CUX1: variants seen among roughly 807,000 people sequenced by gnomAD.
CUX1 encodes protein CASP.
Under a neutral mutation model 158.8 loss-of-function variants are expected in CUX1, and 31 were observed. The observed-to-expected ratio is 0.20, with a 90% CI of 0.15 to 0.26. The LOEUF (loss-of-function observed/expected upper bound fraction) is 0.26. CUX1 is among the 10% of genes least tolerant of loss of function. CUX1 has a pLI of 1.00. For synonymous variants in CUX1, 879 were observed against 862.1 expected, an observed-to-expected ratio of 1.02 and a Z score of -0.34; for missense variants, 1,589 against 2,014.6, an observed-to-expected ratio of 0.79 and a Z score of 4.04.
At position 102,255,465 on chromosome 7, in the gene CUX1, C is replaced by T; in HGVS notation, c.*6423C>T. 1.0e-6 allele frequency: 1 copy of T among 985,112 alleles called. No individual in the cohort carries two copies. The highest frequency in any genetic ancestry group is 1.2e-6 in the Non-Finnish European group (1 of 829,882). 61.0% of individuals were successfully genotyped at this position (985,112 alleles called of 1,614,324 possible). ...GCATAAATGTGCACTTCCCCCATGC[C>T]CCCGTTCTTAAACTCTTAAGATGCC... On this transcript the variant is annotated 3_prime_UTR_variant, in exon 24 of 24. Coordinates refer to ENST00000292535, the MANE Select transcript of CUX1 (RefSeq NM_181552.4).
At chr7:102,195,860 TGGAATCCCCG>T (rs1355576985) in intron 14 of CUX1, among the ~76,000 whole-genome samples, 2 of 152,194 alleles carry the variant, frequency 1.3e-5, no homozygotes, top group Non-Finnish European at 2.9e-5. Context: ...GCAGTGCGGC[TGGAATCCCCG>T]GGAGGGACAG....
At chr7:102,207,238 C>T (rs560134680) in intron 20 of CUX1, among the ~76,000 whole-genome samples, 4 of 152,158 alleles carry the variant, frequency 2.6e-5, no homozygotes, top group South Asian at 2.1e-4. Flanking sequence ...CTGGATGAAA[C>T]GGAACAGAGT....
intron 3 of CUX1, among the ~76,000 whole-genome samples, chr7:102,063,787 C>A (rs543265757): frequency 6.6e-6 from 1 of 152,146 alleles, no homozygotes; most frequent in African/African-American, 2.4e-5. Context: ...TTGGCCATTG[C>A]GGAAGATATT....
intron 3 of CUX1, among the ~76,000 whole-genome samples, chr7:102,039,307 AGTGC>A (rs1156978821): frequency 2.0e-5 from 3 of 152,140 alleles, no homozygotes; most frequent in Non-Finnish European, 4.4e-5. Flanking sequence ...GCATCCCAGA[AGTGC>A]TAAGGTTGGT....
intron 5 of CUX1, among the ~76,000 whole-genome samples, chr7:102,101,648 G>A (rs1554486403): frequency 6.6e-6 from 1 of 152,184 alleles, no homozygotes; most frequent in Admixed American, 6.5e-5. Context: ...GGTGGCTCAT[G>A]CCTGTAATCC....
intron 12 of CUX1, among the ~76,000 whole-genome samples, chr7:102,192,267 T>C (rs1470500687): frequency 6.6e-6 from 1 of 152,212 alleles, no homozygotes; most frequent in African/African-American, 2.4e-5. Flanking sequence ...ATCATGACAC[T>C]GAGACGTGGT....
chr7:102,023,841 T>C (rs900673325), intron 2 of CUX1, among the ~76,000 whole-genome samples: 1 of 152,158 alleles, frequency 6.6e-6, no homozygotes, highest in African/African-American at 2.4e-5. Flanking sequence ...TTTAAATATG[T>C]GTGCGTGCGT....
intron 2 of CUX1, among the ~76,000 whole-genome samples, chr7:101,998,985 G>T (rs1029717626): frequency 1.3e-5 from 2 of 152,162 alleles, no homozygotes; most frequent in African/African-American, 4.8e-5. Flanking sequence ...TTCCCTCCTC[G>T]GGCAGGAGCC....
At chr7:101,974,014 C>T (rs1048058570) in intron 2 of CUX1, among the ~76,000 whole-genome samples, 1 of 151,506 alleles carries the variant, frequency 6.6e-6, no homozygotes, top group Non-Finnish European at 1.5e-5. Context: ...GTGATCCACT[C>T]GCCTCAGCCT....
chr7:101,830,798 A>C (rs919517719), intron 1 of CUX1, among the ~76,000 whole-genome samples: 1 of 152,102 alleles, frequency 6.6e-6, no homozygotes, highest in Non-Finnish European at 1.5e-5. Context: ...ATAATGATGC[A>C]CTTTGTTTTG....
At chr7:101,880,286 C>T (rs1323668587) in intron 1 of CUX1, among the ~76,000 whole-genome samples, 2 of 152,128 alleles carry the variant, frequency 1.3e-5, no homozygotes, top group African/African-American at 4.8e-5. Flanking sequence ...AGCTCGTTGG[C>T]AATTTCGGAA....
At chr7:101,903,452 C>A (rs1417961017) in intron 1 of CUX1, among the ~76,000 whole-genome samples, 1 of 152,100 alleles carries the variant, frequency 6.6e-6, no homozygotes, top group East Asian at 1.9e-4. Flanking sequence ...CAAGGCTGAG[C>A]CTGGCAGGCA....
chr7:101,818,957 G>C (rs1290727512), intron 1 of CUX1: 1 of 152,236 alleles, frequency 6.6e-6, no homozygotes, highest in Non-Finnish European at 1.5e-5. Context: ...AGAAATCCAG[G>C]TTGGAGACGT....
intron 1 of CUX1, among the ~76,000 whole-genome samples, chr7:101,823,187 A>G (rs1792866429): frequency 6.6e-6 from 1 of 152,116 alleles, no homozygotes; most frequent in Non-Finnish European, 1.5e-5. Context: ...TTCGTCGCCC[A>G]ATCCCTGGCT....
intron 11 of CUX1, among the ~76,000 whole-genome samples, chr7:102,182,336 T>C (rs1793188633): frequency 6.6e-6 from 1 of 152,264 alleles, no homozygotes; most frequent in Admixed American, 6.5e-5. Context: ...TACTTTCCAA[T>C]GATACTTTCT....
Position 102,017,441 on chromosome 7 carries a change from T to A in CUX1, c.142-10657T>A, listed in dbSNP as rs1818756350. 2.0e-5 allele frequency among the ~76,000 whole-genome samples: 3 copies of A among 149,564 alleles called. 1 individual carries two copies. The Admixed American group carries it at 2.0e-4, about 10-fold the overall frequency. On this transcript the variant is annotated intron_variant, in intron 2 of 23. Transcript: ENST00000292535. ...GGAGGAATGTACATCTCCTCAAATGTCTCCTAGAAATTGAGACCTCACCAT... is the reference window on the plus strand; with the variant it reads ...GGAGGAATGTACATCTCCTCAAATGACTCCTAGAAATTGAGACCTCACCAT...
intron 2 of CUX1, among the ~76,000 whole-genome samples, chr7:101,981,617 C>CTT (rs201125709): frequency 8.2e-5 from 12 of 145,736 alleles, no homozygotes; most frequent in African/African-American, 2.7e-4. Flanking sequence ...AGTTTAAAGT[C>CTT]TTTTTTTTTT....
intron 5 of CUX1, 70 bp from the exon 6 acceptor site, chr7:102,104,266 G>T: frequency 1.4e-6 from 2 of 1,464,894 alleles, no homozygotes; most frequent in Non-Finnish European, 1.8e-6. Flanking sequence ...GGTTATGAGA[G>T]CCTTGTACCT....
chr7:101,822,028 C>G (rs1219378303), intron 1 of CUX1, among the ~76,000 whole-genome samples: 1 of 151,548 alleles, frequency 6.6e-6, no homozygotes, highest in African/African-American at 2.4e-5. Flanking sequence ...CTAATTTTTT[C>G]TATTTTTAGT....
Sources: allele counts gnomAD v4.1 joint callset (sites outside exome capture counted in the v4.1 genomes callset), GRCh38; gene constraint gnomAD v4.1.1; transcripts MANE v1.5; gene names NCBI Gene and HGNC (gene_info 2026-07-23, HGNC 2026-07-21).